Variants in GINS2 observed in about 807,000 individuals in gnomAD.
GINS2 encodes the protein GINS complex subunit 2.
A neutral mutation model predicts 21.2 loss-of-function variants in GINS2; 23 were observed. That is an observed-to-expected ratio of 1.08 (90% CI 0.78 to 1.53). The LOEUF is 1.53. Among genes scored for constraint, GINS2 ranks in the 40% most tolerant of loss-of-function variants. GINS2 has a pLI of 0.00. For missense variants in GINS2, 323 were observed against 233.9 expected (o/e 1.38, Z -2.49); for synonymous variants, 118 against 85.6 (o/e 1.38, Z -2.09).
rs1369523182 is a variant in GINS2, at chr16:85,678,564, C to A, written c.408G>T (p.Val136=). The A allele has an allele frequency of 6.2e-7, 1 of 1,613,836 alleles. No homozygotes were observed. Among genetic ancestry groups the A allele is most frequent in the East Asian group, 2.2e-5 (1 of 44,886 alleles). Residue 136 remains valine, a synonymous_variant, in exon 4 of 5, where the codon GTG becomes GTT. Coordinates refer to ENST00000253462, the MANE Select transcript of GINS2 (RefSeq NM_016095.3). ...CCTTGGCATGTGCCTCCTGCTGTCTCACAAAGCTGTCAGCAGACACTCGGA... is the reference window on the plus strand; with the variant it reads ...CCTTGGCATGTGCCTCCTGCTGTCTAACAAAGCTGTCAGCAGACACTCGGA... ...AKLRVSADSF[V]RQQEAHAKLD...
intron 2 of GINS2, among the ~76,000 whole-genome samples, chr16:85,684,252 T>G (rs1162655653): frequency 6.6e-6 from 1 of 152,104 alleles, no homozygotes; most frequent in African/African-American, 2.4e-5. Context: ...GAGGATCGCT[T>G]GAGCCCAGGA....
chr16:85,679,152 G>T (rs2053711379), intron 3 of GINS2, among the ~76,000 whole-genome samples: 1 of 152,186 alleles, frequency 6.6e-6, no homozygotes, highest in African/African-American at 2.4e-5. Flanking sequence ...ACTGGGCTCA[G>T]CACTTTACCT....
Position 85,677,930 on chromosome 16 carries a change from A to G in GINS2, c.*282T>C, listed in dbSNP as rs2053695602. 1 of 322,810 alleles carries G rather than the reference A, an allele frequency of 3.1e-6. No individual in the cohort carries two copies. Among genetic ancestry groups the G allele is most frequent in the African/African-American group, 2.2e-5 (1 of 46,038 alleles). 20.0% of individuals were successfully genotyped at this position (322,810 alleles called of 1,614,324 possible). On this transcript the variant is annotated 3_prime_UTR_variant, in exon 5 of 5. Transcript: ENST00000253462. ...TGCAGGAGACCCAAGTGGCTCTGCT[A>G]GGGAGAATGACTTATTTACCTAAGG...
chr16:85,688,416 G>T (rs1007293439), intron 1 of GINS2, among the ~76,000 whole-genome samples: 3 of 151,652 alleles, frequency 2.0e-5, no homozygotes, highest in African/African-American at 4.8e-5. Flanking sequence ...CGTGGTGGCG[G>T]GCACCTGTAA....
intron 2 of GINS2, 74 bp downstream of exon 2, chr16:85,687,386 C>G (rs189764547): frequency 5.0e-6 from 4 of 803,578 alleles, no homozygotes; most frequent in South Asian, 2.0e-5. Context: ...CCCCATGCCT[C>G]CACCCCGTGG....
Position 85,678,649 on chromosome 16 carries a change from G to A in GINS2, c.323C>T (p.Pro108Leu), listed in dbSNP as rs779240044. The A allele has an allele frequency of 1.4e-5, 22 of 1,613,598 alleles. No individual in the cohort carries two copies. Among genetic ancestry groups the A allele is most frequent in the East Asian group, 6.7e-5 (3 of 44,896 alleles). The change falls in exon 4 of 5, where the codon CCG becomes CTG. Residue 108 changes from proline (P) to leucine (L), a missense_variant. Pro to Leu is a moderately conservative substitution (Grantham distance 98). Coordinates refer to ENST00000253462, the MANE Select transcript of GINS2 (RefSeq NM_016095.3). Reference protein sequence around the residue: ...LLLNHASDNIPKADEIRTLVK... With the variant: ...LLLNHASDNILKADEIRTLVK... ...CAGGGTCCGGATTTCGTCTGCCTTCGGGATGTTGTCTGAAGCACTAAAGGA... is the reference window on the plus strand; with the variant it reads ...CAGGGTCCGGATTTCGTCTGCCTTCAGGATGTTGTCTGAAGCACTAAAGGA...
chr16:85,678,278 G>T lies in GINS2; in HGVS notation c.492C>A (p.Leu164=). 1 of 1,612,600 alleles carries T rather than the reference G, an allele frequency of 6.2e-7. No individual in the cohort carries two copies. Among genetic ancestry groups the T allele is most frequent in the Non-Finnish European group, 8.5e-7 (1 of 1,178,594 alleles). ...NTSGTFLTQA[L]NHMYKLRTNL... ...TCGTGCGGAGTTTGTACATGTGGTT[G>T]AGCGCTTGTGTGAGGAAAGTCCCGC... Residue 164 remains leucine (L), a synonymous_variant, in exon 5 of 5, where the codon CTC becomes CTA. Coordinates refer to ENST00000253462, the MANE Select transcript of GINS2 (RefSeq NM_016095.3).
At chr16:85,684,767 A>G (rs1013709698) in intron 2 of GINS2, among the ~76,000 whole-genome samples, 1 of 151,060 alleles carries the variant, frequency 6.6e-6, no homozygotes, top group African/African-American at 2.4e-5. Context: ...TTCCATTTAC[A>G]TGAAGTCCCA....
intron 1 of GINS2, chr16:85,688,124 T>A (rs529744193): frequency 6.6e-6 from 1 of 152,024 alleles, no homozygotes; most frequent in Non-Finnish European, 1.5e-5. Context: ...AGAGCGAAAC[T>A]CCATCTCAAA....
In GINS2 at chr16:85,676,459, T is replaced by C. The variant is rs902566205; in HGVS notation, c.*1753A>G. 6 of 152,358 alleles carry C rather than the reference T, an allele frequency of 3.9e-5. No homozygotes were observed. The highest frequency in any genetic ancestry group is 6.8e-3 in the Middle Eastern group (2 of 294). The allele number at this position is 152,358 out of a possible 1,614,324, so 9.4% of individuals were successfully genotyped here. ...CAAGTCTGAACAGCACCTTAAATTATGGAGACCTCATCTTTTGGTCCCAGT... is the reference window on the plus strand; with the variant it reads ...CAAGTCTGAACAGCACCTTAAATTACGGAGACCTCATCTTTTGGTCCCAGT... On this transcript the variant is annotated 3_prime_UTR_variant, in exon 5 of 5. Coordinates refer to ENST00000253462, the MANE Select transcript of GINS2 (RefSeq NM_016095.3).
In GINS2 at chr16:85,678,335, C is replaced by T. The variant is rs1463288784; in HGVS notation, c.435G>A (p.Leu145=). 1 of 1,613,158 alleles carries T rather than the reference C, an allele frequency of 6.2e-7. No individual in the cohort carries two copies. Among genetic ancestry groups the T allele is most frequent in the African/African-American group, 1.3e-5 (1 of 74,706 alleles). Residue 145 remains leucine (L), a splice_region_variant and synonymous_variant, in exon 5 of 5, where the codon CTG becomes CTA. Coordinates refer to ENST00000253462, the MANE Select transcript of GINS2 (RefSeq NM_016095.3). ...TGATCTCCATCAAGGTCAAGTTATC[C>T]AGCTAAAGCAAGAAAACAGACCAAG... ...FVRQQEAHAK[L]DNLTLMEINT...
At chr16:85,683,617 C>A (rs1399884781) in intron 2 of GINS2, among the ~76,000 whole-genome samples, 1 of 152,200 alleles carries the variant, frequency 6.6e-6, no homozygotes, top group Admixed American at 6.5e-5. Flanking sequence ...CATGGCCAGT[C>A]CTTCAGCCAA....
chr16:85,682,376 C>G (rs1361065060), intron 2 of GINS2, among the ~76,000 whole-genome samples: 1 of 152,132 alleles, frequency 6.6e-6, no homozygotes. Context: ...TATACTAAGC[C>G]TTGTTCAGAA....
Position 85,682,433 on chromosome 16 carries a change from G to A in GINS2, c.206-752C>T, listed in dbSNP as rs375722067. On this transcript the variant is annotated intron_variant, in intron 2 of 4. Coordinates refer to ENST00000253462, the MANE Select transcript of GINS2 (RefSeq NM_016095.3). ...ACTAGAGCCACCCCAGCCTGGGCGC[G>A]ATACAATATCCTAGGGGGGTTAAGC... is the stretch of plus-strand genomic sequence containing the variant. Among the ~76,000 whole-genome samples the A allele has an allele frequency of 3.2e-4, 49 of 151,806 alleles. 1 individual carries two copies. The highest frequency in any genetic ancestry group is 5.2e-4 in the Non-Finnish European group (35 of 67,930).
Position 85,678,529 on chromosome 16 carries a change from G to A in GINS2, c.432+11C>T. The A allele has an allele frequency of 6.2e-7, 1 of 1,611,834 alleles. No individual in the cohort carries two copies. Among genetic ancestry groups the A allele is most frequent in the Non-Finnish European group, 8.5e-7 (1 of 1,179,158 alleles). ...TCAAGGCCACCAGCACCCAGGCAAG[G>A]CGGCACCTACCTTGGCATGTGCCTC... is the stretch of plus-strand genomic sequence containing the variant. On this transcript the variant is annotated intron_variant, in intron 4 of 4. Coordinates refer to ENST00000253462, the MANE Select transcript of GINS2 (RefSeq NM_016095.3).
rs114234383 is a variant in GINS2 at position 85,688,002 on chromosome 16, G to A, written c.91-428C>T. 351 of 154,914 alleles carry A rather than the reference G, an allele frequency of 2.3e-3. 1 individual carries two copies. Among genetic ancestry groups the A allele is most frequent in the African/African-American group, 7.9e-3 (329 of 41,670 alleles). The allele number at this position is 154,914 out of a possible 1,614,324, so 9.6% of individuals were successfully genotyped here. On this transcript the variant is annotated intron_variant, in intron 1 of 4. Coordinates refer to ENST00000253462, the MANE Select transcript of GINS2 (RefSeq NM_016095.3). ...TGAAAACGCAAAGCCGGGCGGGCGCGGGGGCTCACAATCCAGCTACTCGGG... is the reference window on the plus strand; with the variant it reads ...TGAAAACGCAAAGCCGGGCGGGCGCAGGGGCTCACAATCCAGCTACTCGGG...
rs2053686746 is a variant in GINS2 at position 85,677,381 on chromosome 16, T to C, written c.*831A>G. The C allele has an allele frequency of 6.6e-6, 1 of 152,188 alleles. No individual in the cohort carries two copies. The highest frequency in any genetic ancestry group is 1.5e-5 in the Non-Finnish European group (1 of 68,030). The allele number at this position is 152,188 out of a possible 1,614,324, so 9.4% of individuals were successfully genotyped here. A position where few individuals can be genotyped will look rare whatever the true frequency, so the allele number is the denominator to read the frequency against. ...CTACAACAAAGAATCCTTCCCCAAATCCATCAAGAGCAGCACTGAAAGTGA... is the reference window on the plus strand; with the variant it reads ...CTACAACAAAGAATCCTTCCCCAAACCCATCAAGAGCAGCACTGAAAGTGA... On this transcript the variant is annotated 3_prime_UTR_variant, in exon 5 of 5. Transcript: ENST00000253462.
At chr16:85,686,366 C>T (rs1032197467) in intron 2 of GINS2, among the ~76,000 whole-genome samples, 4 of 151,102 alleles carry the variant, frequency 2.6e-5, no homozygotes, top group African/African-American at 7.3e-5. Context: ...TGCAGTGAGC[C>T]GAGATCGCAC....
chr16:85,681,721 C>A, intron 2 of GINS2, 40 bp from the exon 3 acceptor site: 4 of 1,249,906 alleles, frequency 3.2e-6, no homozygotes, highest in Non-Finnish European at 4.7e-6. Context: ...ATCATTATAA[C>A]CAAGATATTT....
Sources: allele counts gnomAD v4.1 joint callset (sites outside exome capture counted in the v4.1 genomes callset), GRCh38; gene constraint gnomAD v4.1.1; transcripts MANE v1.5; gene names NCBI Gene and HGNC (gene_info 2026-07-23, HGNC 2026-07-21).